PDE10A: variants seen among roughly 807,000 people sequenced by gnomAD.
The protein encoded by PDE10A is phosphodiesterase 10A, also known as cAMP and cAMP-inhibited cGMP 3',5'-cyclic phosphodiesterase 10A.
PDE10A carries 39 observed loss-of-function variants against 97.7 expected under a neutral mutation model. The ratio of observed to expected loss-of-function variants is 0.40; its 90% CI spans 0.31 to 0.52. The LOEUF is 0.52. PDE10A is among the 20% of genes least tolerant of loss of function. The pLI is 0.56. For missense variants in PDE10A, 731 were observed against 1,047.8 expected, an observed-to-expected ratio of 0.70 and a Z score of 4.17; for synonymous variants, 371 against 376.8, an observed-to-expected ratio of 0.98 and a Z score of 0.18.
rs75415167 is a variant in PDE10A at position 165,799,842 on chromosome 6, G to T, written c.-615+187687C>A. ...GGAACATACAACACTGAAATTCTTT[G>T]TGTGTGAAACCCTAAAATCAGCATG... On this transcript the variant is annotated intron_variant, in intron 1 of 19. Coordinates refer to the PDE10A transcript ENST00000366882. Among the ~76,000 whole-genome samples, 902 of 152,266 alleles carry T rather than the reference G, an allele frequency of 5.9e-3. 7 individuals carry two copies. The highest frequency in any genetic ancestry group is 0.021 in the African/African-American group (874 of 41,554).
rs150883011 is a variant in PDE10A, at chr6:165,559,634, G to A, written c.866-16066C>T. On this transcript the variant is annotated intron_variant, in intron 1 of 21. Coordinates refer to ENST00000539869, the MANE Select transcript of PDE10A (RefSeq NM_001385079.1). ...AGTATCTTAGAGGATAACCTTTTGT[G>A]GTAGGCAGAATTTGAAGACAGTCCC... 2.0e-3 allele frequency among the ~76,000 whole-genome samples: 299 copies of A among 152,230 alleles called. 5 individuals carry two copies. The highest frequency in any genetic ancestry group is 0.016 in the Admixed American group (244 of 15,294).
intron 2 of PDE10A, among the ~76,000 whole-genome samples, chr6:165,505,474 AATG>A (rs1373022102): frequency 6.6e-6 from 1 of 152,206 alleles, no homozygotes; most frequent in Non-Finnish European, 1.5e-5. Flanking sequence ...TTTCAAATAA[AATG>A]ATGATGAGAG....
chr6:165,864,610 T>C (rs963961444), intron 1 of PDE10A, among the ~76,000 whole-genome samples: 2 of 152,248 alleles, frequency 1.3e-5, no homozygotes, highest in African/African-American at 4.8e-5. Flanking sequence ...ATATCATATG[T>C]GGCTAGTGGG....
At chr6:165,923,573 A>G (rs1444158925) in intron 1 of PDE10A, among the ~76,000 whole-genome samples, 1 of 152,202 alleles carries the variant, frequency 6.6e-6, no homozygotes, top group Non-Finnish European at 1.5e-5. Context: ...TGTGGTTGGG[A>G]GGTGACGGAA....
chr6:165,793,757 A>G (rs2128464075), intron 1 of PDE10A, among the ~76,000 whole-genome samples: 1 of 152,342 alleles, frequency 6.6e-6, no homozygotes, highest in Middle Eastern at 3.4e-3. Context: ...TTCGGCTTGT[A>G]GTTCTCTGAT....
At chr6:165,975,121 C>G (rs1350846336) in intron 1 of PDE10A, among the ~76,000 whole-genome samples, 1 of 152,188 alleles carries the variant, frequency 6.6e-6, no homozygotes, top group African/African-American at 2.4e-5. Flanking sequence ...CTGCTGTGGC[C>G]TCTCCCCAAG....
Position 165,663,212 on chromosome 6 carries a change from T to C in PDE10A, c.-401A>G, listed in dbSNP as rs937422779. Among the ~76,000 whole-genome samples, 8 of 151,628 alleles carry C rather than the reference T, an allele frequency of 5.3e-5. No individual in the cohort carries two copies. Among genetic ancestry groups the C allele is most frequent in the African/African-American group, 1.9e-4 (8 of 41,412 alleles). ...GCAGTGCCGCTGCCCGTGGAGGCGGTGGTGGCGGCGGCGGCAGAAGACGCC... is the reference window on the plus strand; with the variant it reads ...GCAGTGCCGCTGCCCGTGGAGGCGGCGGTGGCGGCGGCGGCAGAAGACGCC... On this transcript the variant is annotated 5_prime_UTR_variant, in exon 1 of 22. Transcript: ENST00000539869.
chr6:165,544,270 T>A (rs760070838), intron 1 of PDE10A, among the ~76,000 whole-genome samples: 197 of 152,370 alleles, frequency 1.3e-3, no homozygotes, highest in Admixed American at 2.4e-3. Context: ...CAGAATAATC[T>A]TGACATTTAT....
intron 1 of PDE10A, among the ~76,000 whole-genome samples, chr6:165,851,684 C>T (rs1780576791): frequency 1.3e-5 from 2 of 152,148 alleles, no homozygotes; most frequent in African/African-American, 2.4e-5. Context: ...GTGATAATAA[C>T]AGGCAGAAAT....
intron 1 of PDE10A, among the ~76,000 whole-genome samples, chr6:165,612,486 A>C (rs1197878820): frequency 6.6e-6 from 1 of 151,958 alleles, no homozygotes; most frequent in African/African-American, 2.4e-5. Flanking sequence ...CTCCTGCCTC[A>C]GCCTCCCTAT....
chr6:165,970,657 G>A (rs1462574606), intron 1 of PDE10A, among the ~76,000 whole-genome samples: 1 of 152,114 alleles, frequency 6.6e-6, no homozygotes, highest in Non-Finnish European at 1.5e-5. Flanking sequence ...ATATCTATAT[G>A]AAGAAAACTT....
At chr6:165,894,673 T>A (rs1262332238) in intron 1 of PDE10A, 1 of 372,654 alleles carries the variant, frequency 2.7e-6, no homozygotes, top group South Asian at 2.0e-5. Flanking sequence ...CATAGCACCT[T>A]GAGGATTCTT....
Position 165,662,494 on chromosome 6 carries a change from G to A in PDE10A, c.318C>T (p.Ser106=), listed in dbSNP as rs1381226004. Residue 106 remains serine (S), a synonymous_variant, in exon 1 of 22, where the codon TCC becomes TCT. Transcript: ENST00000539869. The part of the protein sequence containing the change: ...ARAPLALAFS[S]RVPSSSPSFF... ...AAGATGGAGAGGAGGAGGGGACCCGGGACGAGAAGGCGAGCGCCAAGGGAG... is the reference window on the plus strand; with the variant it reads ...AAGATGGAGAGGAGGAGGGGACCCGAGACGAGAAGGCGAGCGCCAAGGGAG... 1.3e-5 allele frequency: 2 copies of A among 148,294 alleles called. No homozygotes were observed. Among genetic ancestry groups the A allele is most frequent in the East Asian group, 2.0e-4 (1 of 4,894 alleles). The allele number at this position is 148,294 out of a possible 1,614,324, so 9.2% of individuals were successfully genotyped here.
rs1164651585 is a variant in PDE10A at position 165,663,066 on chromosome 6, C to CG, written c.-256dup. On this transcript the variant is annotated 5_prime_UTR_variant, in exon 1 of 22. Transcript: ENST00000539869. ...CTGGCTACCCTCAGGCGCGCACAATCGGCGTCCTCCCGGGCCGGGGCTAGG... is the reference window on the plus strand; with the variant it reads ...CTGGCTACCCTCAGGCGCGCACAATCGGGCGTCCTCCCGGGCCGGGGCTAGG... Among the ~76,000 whole-genome samples, 1 of 151,140 alleles carries CG rather than the reference C, an allele frequency of 6.6e-6. No homozygotes were observed. The highest frequency in any genetic ancestry group is 2.4e-5 in the African/African-American group (1 of 41,188).
At chr6:165,427,439 G>C (rs1215893858) in intron 10 of PDE10A, among the ~76,000 whole-genome samples, 4 of 152,100 alleles carry the variant, frequency 2.6e-5, no homozygotes, top group Non-Finnish European at 5.9e-5. Context: ...AAAGAACGTA[G>C]ACAATGATTG....
chr6:165,535,115 A>G (rs1783001130), intron 2 of PDE10A, among the ~76,000 whole-genome samples: 1 of 152,022 alleles, frequency 6.6e-6, no homozygotes, highest in South Asian at 2.1e-4. Context: ...CAAAATCAAC[A>G]TATGATAATC....
rs1269502305 is a variant in PDE10A, at chr6:165,819,988, A to G, written c.-615+167541T>C. On this transcript the variant is annotated intron_variant, in intron 1 of 19. Coordinates refer to the PDE10A transcript ENST00000366882. This position sits in a 1 kb window ranked among gnomAD's most constrained non-coding sequence, Gnocchi z 4.2. ...CTCCTTAAACTCAAGTTAGTAATAT[A>G]AAATTTAGGAGAAAATTTTAAAAAT... Among the ~76,000 whole-genome samples, 1 of 152,256 alleles carries G rather than the reference A, an allele frequency of 6.6e-6. No homozygotes were observed. Among genetic ancestry groups the G allele is most frequent in the Non-Finnish European group, 1.5e-5 (1 of 68,042 alleles).
intron 1 of PDE10A, among the ~76,000 whole-genome samples, chr6:165,925,507 G>A (rs777576757): frequency 6.6e-6 from 1 of 152,208 alleles, no homozygotes; most frequent in African/African-American, 2.4e-5. Context: ...CTTTCAATGG[G>A]TGAATGGCTA....
At chr6:165,810,341 G>A (rs1017088205) in intron 1 of PDE10A, among the ~76,000 whole-genome samples, 2 of 152,114 alleles carry the variant, frequency 1.3e-5, no homozygotes, top group Non-Finnish European at 2.9e-5. Context: ...TGAGTATTCC[G>A]CAAATGTGGC....
Sources: allele counts gnomAD v4.1 joint callset (sites outside exome capture counted in the v4.1 genomes callset), GRCh38; gene constraint gnomAD v4.1.1; non-coding constraint Gnocchi (gnomAD v3.1); transcripts MANE v1.5; gene names NCBI Gene and HGNC (gene_info 2026-07-23, HGNC 2026-07-21).